The following CDKN2B-AS1 variants were observed in gnomAD, a reference collection of about 807,000 sequenced individuals.
CDKN2B-AS1 encodes the protein CDKN2B and CDKN2A antisense cis and trans regulatory RNA 1.
chr9:22,013,451 CTTT>C (rs1423383496), intron 1 of CDKN2B-AS1, among the ~76,000 whole-genome samples: 1 of 151,892 alleles, frequency 6.6e-6, no homozygotes, highest in Non-Finnish European at 1.5e-5. Context: ...CTCTCTCTCT[CTTT>C]TTTTTCTTAT....
chr9:22,104,833 A>G (rs1377142526), intron 4 of CDKN2B-AS1, among the ~76,000 whole-genome samples: 2 of 152,240 alleles, frequency 1.3e-5, no homozygotes, highest in East Asian at 3.8e-4. Flanking sequence ...TTGTGATGCA[A>G]TATAATAGTG....
chr9:22,002,919 A>C (rs575523216), intron 1 of CDKN2B-AS1: 3 of 186,658 alleles, frequency 1.6e-5, no homozygotes, highest in South Asian at 3.9e-4. Context: ...TAAATTTATA[A>C]ATTTATTTAA....
intron 1 of CDKN2B-AS1, among the ~76,000 whole-genome samples, chr9:22,033,942 TA>T (rs1329839219): frequency 6.6e-6 from 1 of 152,160 alleles, no homozygotes; most frequent in Non-Finnish European, 1.5e-5. Flanking sequence ...CTGACTTGCT[TA>T]AGATTATACA....
At chr9:22,034,267 C>A (rs1210622997) in intron 1 of CDKN2B-AS1, among the ~76,000 whole-genome samples, 1 of 152,060 alleles carries the variant, frequency 6.6e-6, no homozygotes, top group Non-Finnish European at 1.5e-5. Context: ...ACTAATTAAA[C>A]CCTGAAGTTT....
chr9:22,090,635 A>G (rs1455035370), intron 4 of CDKN2B-AS1, among the ~76,000 whole-genome samples: 2 of 152,092 alleles, frequency 1.3e-5, no homozygotes, highest in Admixed American at 6.5e-5. Flanking sequence ...TCTTTTGAGA[A>G]GTGTCTGTTC....
In CDKN2B-AS1 at chr9:22,012,247, A is replaced by G. The variant is rs529429263; in HGVS notation, n.29+17086A>G. 5.9e-5 allele frequency: 84 copies of G among 1,430,580 alleles called. 1 individual carries two copies. In the Middle Eastern group the frequency reaches 1.2e-3, roughly 21 times the overall value. The allele number at this position is 1,430,580 out of a possible 1,614,324, so 88.6% of individuals were successfully genotyped here. On this transcript the variant is annotated intron_variant and non_coding_transcript_variant, in intron 1 of 4. Coordinates refer to ENST00000650946, the Ensembl canonical transcript of CDKN2B-AS1. ...TTGAGAATGTCAGTGCGAAAATTCA[A>G]GACAAGGAGGGTATCCCCCCTGACA...
At chr9:22,100,162 G>A (rs1825434666) in intron 4 of CDKN2B-AS1, among the ~76,000 whole-genome samples, 1 of 152,004 alleles carries the variant, frequency 6.6e-6, no homozygotes, top group Non-Finnish European at 1.5e-5. Context: ...ACTTTATTGA[G>A]GTATAACTTC....
chr9:22,118,116 A>T (rs1826000937), intron 4 of CDKN2B-AS1: 1 of 152,246 alleles, frequency 6.6e-6, no homozygotes, highest in Non-Finnish European at 1.5e-5. Context: ...CAAAGGAGAG[A>T]GTTGCCCAGG....
At chr9:22,087,699 T>C (rs1447918646) in intron 4 of CDKN2B-AS1, among the ~76,000 whole-genome samples, 2 of 152,252 alleles carry the variant, frequency 1.3e-5, no homozygotes, top group Non-Finnish European at 2.9e-5. Flanking sequence ...ATACCACTTC[T>C]TTGATTTTGT....
chr9:22,098,910 G>C (rs1167120027), intron 4 of CDKN2B-AS1, among the ~76,000 whole-genome samples: 1 of 152,162 alleles, frequency 6.6e-6, no homozygotes, highest in South Asian at 2.1e-4. Flanking sequence ...AATGCTTACC[G>C]TGTTCAGGGC....
chr9:22,127,367 A>C (rs565772142), exon 5 of CDKN2B-AS1, among the ~76,000 whole-genome samples: 1 of 152,368 alleles, frequency 6.6e-6, no homozygotes, highest in South Asian at 2.1e-4. Context: ...GGCATGAGCC[A>C]CTGTGCCCAG....
At chr9:22,121,415 GATAT>G (rs1450419600) in intron 4 of CDKN2B-AS1, among the ~76,000 whole-genome samples, 1 of 151,904 alleles carries the variant, frequency 6.6e-6, no homozygotes, top group Non-Finnish European at 1.5e-5. Context: ...GTGGCGCTTT[GATAT>G]ATATAATGTA....
intron 4 of CDKN2B-AS1, among the ~76,000 whole-genome samples, chr9:22,100,124 T>C (rs1587532233): frequency 6.6e-6 from 1 of 152,200 alleles, no homozygotes; most frequent in South Asian, 2.1e-4. Context: ...TTTTATTCTT[T>C]TAATTATTCC....
chr9:22,089,075 G>T (rs1824969118), intron 4 of CDKN2B-AS1, among the ~76,000 whole-genome samples: 1 of 152,122 alleles, frequency 6.6e-6, no homozygotes, highest in Non-Finnish European at 1.5e-5. Flanking sequence ...GGGTCCATGA[G>T]TTTTAAAAAC....
At chr9:22,028,050 T>G (rs1350446265) in intron 1 of CDKN2B-AS1, among the ~76,000 whole-genome samples, 1 of 152,118 alleles carries the variant, frequency 6.6e-6, no homozygotes, top group Non-Finnish European at 1.5e-5. Flanking sequence ...CTGAATCTAA[T>G]CACATAGAGA....
At chr9:22,060,220 C>T (rs1823758098) in intron 4 of CDKN2B-AS1, among the ~76,000 whole-genome samples, 1 of 152,164 alleles carries the variant, frequency 6.6e-6, no homozygotes, top group African/African-American at 2.4e-5. Flanking sequence ...AACTCTGTTT[C>T]CCTTTTAAAA....
At chr9:22,073,419 C>G (rs1587494525) in intron 4 of CDKN2B-AS1, among the ~76,000 whole-genome samples, 3 of 152,206 alleles carry the variant, frequency 2.0e-5, no homozygotes, top group Admixed American at 2.0e-4. Flanking sequence ...CAAAAATCCC[C>G]TAGCATTTTC....
intron 1 of CDKN2B-AS1, among the ~76,000 whole-genome samples, chr9:22,019,968 G>C (rs1052524365): frequency 6.6e-6 from 1 of 152,020 alleles, no homozygotes; most frequent in Admixed American, 6.6e-5. Flanking sequence ...CATCACCCAG[G>C]TATTAAGTCT....
At chr9:22,081,851 C>T (rs6475606) in intron 4 of CDKN2B-AS1, among the ~76,000 whole-genome samples, 93,969 of 152,128 alleles carry the variant, frequency 0.62, 31,472 homozygotes, top group African/African-American at 0.89. Context: ...TCAGTGAAAG[C>T]TGGCTATCAT....
Sources: gnomAD v4.1 joint callset for allele counts (sites outside exome capture counted in the v4.1 genomes callset) on GRCh38, gnomAD v4.1.1 for gene constraint, MANE v1.5 for transcripts, NCBI Gene and HGNC (gene_info 2026-07-23, HGNC 2026-07-21) for gene names.